Variants in ESRRG observed in about 807,000 individuals in gnomAD.
ESRRG encodes estrogen related receptor gamma, also known as estrogen-related receptor gamma.
Under a neutral mutation model 44.0 loss-of-function variants are expected in ESRRG, and 13 were observed. The ratio of observed to expected loss-of-function variants is 0.30; its 90% CI spans 0.19 to 0.47. The LOEUF (loss-of-function observed/expected upper bound fraction) is 0.47. Ranked by LOEUF, ESRRG falls within the 20% of genes least tolerant of loss-of-function variation. The pLI, the probability that ESRRG is intolerant of heterozygous loss-of-function variation, is 1.00. For missense variants in ESRRG, 395 were observed against 580.6 expected, an observed-to-expected ratio of 0.68 and a Z score of 3.29; for synonymous variants, 215 against 214.6, an observed-to-expected ratio of 1.00 and a Z score of -0.02.
At chr1:216,734,100 G>A (rs558090161) in intron 2 of ESRRG, among the ~76,000 whole-genome samples, 6 of 151,806 alleles carry the variant, frequency 4.0e-5, no homozygotes, top group African/African-American at 1.2e-4. Flanking sequence ...CATGCTTTGC[G>A]CTTACTGGTC....
chr1:216,854,422 A>G (rs2095891937), intron 2 of ESRRG, among the ~76,000 whole-genome samples: 1 of 151,524 alleles, frequency 6.6e-6, no homozygotes, highest in Non-Finnish European at 1.5e-5. Flanking sequence ...ATTTCTAACT[A>G]GACTGTAATA....
intron 2 of ESRRG, among the ~76,000 whole-genome samples, chr1:216,653,535 A>C (rs2069558878): frequency 6.6e-6 from 1 of 152,114 alleles, no homozygotes; most frequent in Non-Finnish European, 1.5e-5. Context: ...TGATTTATTC[A>C]GTTTTTGCTA....
At chr1:217,052,624 G>C (rs992068318) in intron 1 of ESRRG, among the ~76,000 whole-genome samples, 2 of 152,124 alleles carry the variant, frequency 1.3e-5, no homozygotes, top group Non-Finnish European at 2.9e-5. Context: ...AGAACCAAAG[G>C]TTTCCCTTGA....
chr1:217,111,841 C>T (rs190888025), intron 1 of ESRRG, among the ~76,000 whole-genome samples: 21 of 152,320 alleles, frequency 1.4e-4, no homozygotes, highest in Admixed American at 5.2e-4. Context: ...TACAGACTCA[C>T]TCATTGAATA....
chr1:216,519,867 G>A (rs1481408080), intron 5 of ESRRG, among the ~76,000 whole-genome samples: 1 of 146,722 alleles, frequency 6.8e-6, no homozygotes, highest in Non-Finnish European at 1.5e-5. Flanking sequence ...AAAATAAAAG[G>A]TAAACAAACA....
At chr1:216,726,415 C>G (rs187639915), upstream of ESRRG, among the ~76,000 whole-genome samples, 8 of 152,214 alleles carry the variant, frequency 5.3e-5, no homozygotes, top group African/African-American at 1.7e-4. Context: ...AGAAACTTCC[C>G]TGGTCCCAGA....
chr1:216,851,994 G>A (rs2095850054), intron 2 of ESRRG, among the ~76,000 whole-genome samples: 1 of 152,274 alleles, frequency 6.6e-6, no homozygotes, highest in East Asian at 1.9e-4. Flanking sequence ...GCCCTTAGAA[G>A]GGACAGTAAG....
intron 1 of ESRRG, among the ~76,000 whole-genome samples, chr1:217,069,729 G>A (rs1446419388): frequency 6.6e-6 from 1 of 152,154 alleles, no homozygotes; most frequent in Non-Finnish European, 1.5e-5. Context: ...TCTACAGAGT[G>A]CCAGTCGGCC....
At chr1:216,882,784 T>C (rs958097910) in intron 2 of ESRRG, among the ~76,000 whole-genome samples, 3 of 152,186 alleles carry the variant, frequency 2.0e-5, no homozygotes, top group Admixed American at 6.5e-5. Flanking sequence ...CTCAGTAAAA[T>C]TGAAAATGTA....
At chr1:216,563,136 T>C (rs563995084) in intron 5 of ESRRG, among the ~76,000 whole-genome samples, 1 of 152,314 alleles carries the variant, frequency 6.6e-6, no homozygotes, top group Admixed American at 6.5e-5. Context: ...GCAAACAGTG[T>C]AAGACAAAGT....
intron 3 of ESRRG, among the ~76,000 whole-genome samples, chr1:216,592,118 C>G (rs548824481): frequency 6.6e-6 from 1 of 152,278 alleles, no homozygotes; most frequent in South Asian, 2.1e-4. Flanking sequence ...GAAGAAACAC[C>G]ATAATAGCCC....
At chr1:216,750,216 A>G (rs1364356855) in intron 2 of ESRRG, among the ~76,000 whole-genome samples, 3 of 152,136 alleles carry the variant, frequency 2.0e-5, no homozygotes. Flanking sequence ...TGAACAATAG[A>G]GGGCACTGAT....
At chr1:216,514,134 G>A (rs1361038657) in intron 6 of ESRRG, among the ~76,000 whole-genome samples, 1 of 151,998 alleles carries the variant, frequency 6.6e-6, no homozygotes, top group South Asian at 2.1e-4. Context: ...AACATGAAAA[G>A]AAATATTTAA....
chr1:216,977,514 A>G (rs912491217), intron 1 of ESRRG, among the ~76,000 whole-genome samples: 2 of 152,168 alleles, frequency 1.3e-5, no homozygotes, highest in African/African-American at 4.8e-5. Context: ...AGGACTGGGA[A>G]GCTGTAACCC....
intron 2 of ESRRG, among the ~76,000 whole-genome samples, chr1:216,873,214 T>TTC (rs2096283540): frequency 6.9e-6 from 1 of 144,832 alleles, no homozygotes; most frequent in African/African-American, 2.6e-5. Context: ...TTTCAGTTTT[T>TTC]TTTTTTTTTT....
chr1:216,843,213 G>T (rs78867991), intron 2 of ESRRG, among the ~76,000 whole-genome samples: 3 of 139,852 alleles, frequency 2.1e-5, no homozygotes, highest in African/African-American at 9.4e-5. Context: ...ATCAAATTTT[G>T]TTTTTTTTTA....
At chr1:216,539,763 G>A (rs957063720) in intron 5 of ESRRG, among the ~76,000 whole-genome samples, 6 of 151,952 alleles carry the variant, frequency 3.9e-5, no homozygotes, top group African/African-American at 7.2e-5. Flanking sequence ...CATTAGCAGT[G>A]TATTGTGAAT....
chr1:217,083,669 G>A (rs1481245908), intron 1 of ESRRG, among the ~76,000 whole-genome samples: 1 of 152,136 alleles, frequency 6.6e-6, no homozygotes, highest in East Asian at 1.9e-4. Flanking sequence ...AACTTTGAAG[G>A]TGATTGGGCC....
In ESRRG at chr1:217,048,271, G is replaced by A. The variant is rs528144344; in HGVS notation, c.-106+41236C>T. 1.4e-4 allele frequency among the ~76,000 whole-genome samples: 21 copies of A among 152,250 alleles called. No homozygotes were observed. In the South Asian group the frequency reaches 4.4e-3, roughly 32 times the overall value. On this transcript the variant is annotated intron_variant, in intron 1 of 7. Coordinates refer to the ESRRG transcript ENST00000359162. ...GGTTAGAGAGGCCACAGAGGGCTTG[G>A]GCTGGGAGGTGGAGAGTAGAGGGTA... is the stretch of plus-strand genomic sequence containing the variant.
Sources: gnomAD v4.1 joint callset for allele counts (sites outside exome capture counted in the v4.1 genomes callset) on GRCh38, gnomAD v4.1.1 for gene constraint, MANE v1.5 for transcripts, NCBI Gene and HGNC (gene_info 2026-07-23, HGNC 2026-07-21) for gene names.